Variants in CCNF observed in about 807,000 individuals in gnomAD.
CCNF encodes cyclin-F.
Under a neutral mutation model 85.4 loss-of-function variants are expected in CCNF, and 30 were observed. That is an observed-to-expected ratio of 0.35 (90% CI 0.26 to 0.48). CCNF has a LOEUF of 0.48. Ranked by LOEUF, CCNF falls within the 20% of genes least tolerant of loss-of-function variation. The pLI is 0.99. For synonymous variants in CCNF, 439 were observed against 425.1 expected (o/e 1.03, Z -0.40); for missense variants, 919 against 1,010.4 (o/e 0.91, Z 1.23).
rs550100805 is a variant in CCNF at position 2,434,352 on chromosome 16, C to T, written c.278+1285C>T. Among the ~76,000 whole-genome samples, 302 of 152,190 alleles carry T rather than the reference C, an allele frequency of 2.0e-3. 2 individuals are homozygous for T. The highest frequency in any genetic ancestry group is 6.9e-3 in the African/African-American group (288 of 41,526). On this transcript the variant is annotated intron_variant, in intron 3 of 16. Transcript: ENST00000397066. ...AAATATGGCTGGGCACAGTGGCTCA[C>T]GCCTGTAATCCCAGCACTTTGGGAG...
chr16:2,432,312 A>G (rs965350962), intron 2 of CCNF, among the ~76,000 whole-genome samples: 5 of 152,196 alleles, frequency 3.3e-5, no homozygotes, highest in African/African-American at 1.2e-4. Context: ...CCTAGAGTAT[A>G]TAGTGGATTC....
chr16:2,455,716 G>A (rs2065423666), intron 16 of CCNF, 152 bp downstream of exon 16: 3 of 1,331,432 alleles, frequency 2.3e-6, no homozygotes, highest in East Asian at 2.7e-5. Flanking sequence ...GCCGGGGAGT[G>A]TGTCCAGACA....
At chr16:2,431,585 C>CG (rs1167654369) in intron 2 of CCNF, among the ~76,000 whole-genome samples, 1 of 145,536 alleles carries the variant, frequency 6.9e-6, no homozygotes, top group Non-Finnish European at 1.5e-5. Flanking sequence ...GAGGCTGAGG[C>CG]GGGAAAATTG....
At chr16:2,446,984 A>G (rs1267181963) in intron 10 of CCNF, among the ~76,000 whole-genome samples, 1 of 152,190 alleles carries the variant, frequency 6.6e-6, no homozygotes, top group Non-Finnish European at 1.5e-5. Flanking sequence ...ACCCTGCCAC[A>G]AGCATCCAGA....
chr16:2,436,057 C>T (rs1490914331), intron 4 of CCNF, 184 bp downstream of exon 4: 2 of 488,762 alleles, frequency 4.1e-6, no homozygotes, highest in African/African-American at 3.9e-5. Context: ...GCTAATGATA[C>T]TCTGACTTTG....
intron 8 of CCNF, among the ~76,000 whole-genome samples, chr16:2,441,604 G>A (rs1374423337): frequency 6.6e-6 from 1 of 151,950 alleles, no homozygotes; most frequent in Non-Finnish European, 1.5e-5. Context: ...TGCGATCTCA[G>A]CTCACTGCAA....
At chr16:2,433,479 T>C (rs1005034463) in intron 3 of CCNF, among the ~76,000 whole-genome samples, 5 of 152,250 alleles carry the variant, frequency 3.3e-5, no homozygotes, top group African/African-American at 1.2e-4. Context: ...CTGGCCCCTG[T>C]TCACATGTGC....
At chr16:2,443,547 T>C in intron 8 of CCNF, 102 bp from the exon 9 acceptor site, 2 of 1,095,336 alleles carry the variant, frequency 1.8e-6, no homozygotes, top group African/African-American at 1.5e-5. Flanking sequence ...AGTAGGGCAG[T>C]GTGTCCACAT....
Position 2,457,386 on chromosome 16 carries a change from G to T in CCNF, c.*366G>T. 5.4e-6 allele frequency: 1 copy of T among 185,164 alleles called. No individual in the cohort carries two copies. Among genetic ancestry groups the T allele is most frequent in the Non-Finnish European group, 1.1e-5 (1 of 88,454 alleles). The allele number at this position is 185,164 out of a possible 1,614,324, so 11.5% of individuals were successfully genotyped here. On this transcript the variant is annotated 3_prime_UTR_variant, in exon 17 of 17. Transcript: ENST00000397066. ...CGTGCCGGGAGCTGACAGCTTTCACGCTTAAGGCACGTGTGACCTGGGTAG... is the reference window on the plus strand; with the variant it reads ...CGTGCCGGGAGCTGACAGCTTTCACTCTTAAGGCACGTGTGACCTGGGTAG...
At position 2,445,616 on chromosome 16, in the gene CCNF, G is replaced by C; in HGVS notation, c.1088G>C (p.Cys363Ser). The change falls in exon 10 of 17, where the codon TGC becomes TCC. Residue 363 changes from cysteine (C) to serine (S), a missense_variant. By Grantham distance (112) the Cys-to-Ser change is moderately radical. Coordinates refer to ENST00000397066, the MANE Select transcript of CCNF (RefSeq NM_001761.3). ...QLLGIACMVI[C>S]TRFISKEILT... is the part of the protein sequence containing the mutation. ...CTGGGCATCGCCTGCATGGTCATCT[G>C]CACCCGGTGAGAAGCCCCCTTGGCC... The C allele has an allele frequency of 6.2e-7, 1 of 1,611,650 alleles. No homozygotes were observed.
chr16:2,437,338 G>A lies in CCNF; in HGVS notation c.540+16G>A, dbSNP rs1004242459. Reference sequence around the variant, plus strand: ...GCTGCAGAGGGTGAGTCTGGGCGAGGGGCAGCACCTGCGAGGCCACCTGCA... The same window carrying A: ...GCTGCAGAGGGTGAGTCTGGGCGAGAGGCAGCACCTGCGAGGCCACCTGCA... On this transcript the variant is annotated intron_variant, in intron 5 of 16. Transcript: ENST00000397066. 1.2e-5 allele frequency: 18 copies of A among 1,560,896 alleles called. No homozygotes were observed. The highest frequency in any genetic ancestry group is 1.5e-5 in the Non-Finnish European group (17 of 1,152,632).
At position 2,455,481 on chromosome 16, in the gene CCNF, T is replaced by G; in HGVS notation, c.1802T>G (p.Leu601Arg). Residue 601 changes from leucine to arginine, a missense_variant, in exon 16 of 17, where the codon CTG (leucine) becomes CGG (arginine). Transcript: ENST00000397066. ...CTGTCCAGCCAGGAGGAGACGCTGC[T>G]GGGCAGCTTCCTCGACTGGAGCCTG... The part of the protein sequence containing the change: ...AELSSQEETL[L>R]GSFLDWSLDC... 6.2e-7 allele frequency: 1 copy of G among 1,606,464 alleles called. No individual in the cohort carries two copies. The highest frequency in any genetic ancestry group is 1.1e-5 in the South Asian group (1 of 90,774).
chr16:2,448,760 C>A, intron 10 of CCNF, 95 bp from the exon 11 acceptor site: 1 of 1,127,944 alleles, frequency 8.9e-7, no homozygotes, highest in Non-Finnish European at 1.3e-6. Context: ...ATGGCTCCCT[C>A]CCTACCTTGA....
At chr16:2,432,698 C>A (rs2065268843) in intron 2 of CCNF, among the ~76,000 whole-genome samples, 1 of 152,226 alleles carries the variant, frequency 6.6e-6, no homozygotes. Context: ...GTTGAACCCT[C>A]TTTCTCAGCC....
In CCNF at chr16:2,437,049, T is replaced by A. The variant is rs536915893; in HGVS notation, c.347-80T>A. On this transcript the variant is annotated intron_variant, in intron 4 of 16. Coordinates refer to ENST00000397066, the MANE Select transcript of CCNF (RefSeq NM_001761.3). Reference sequence around the variant, plus strand: ...CTATGGTGGGCTTCAGGCATTACACTTTCCACCAAGACCATGGAGAGCTTT... The same window carrying A: ...CTATGGTGGGCTTCAGGCATTACACATTCCACCAAGACCATGGAGAGCTTT... 4.0e-5 allele frequency: 51 copies of A among 1,279,724 alleles called. No individual in the cohort carries two copies. In the South Asian group the frequency reaches 8.2e-4, roughly 20 times the overall value. 79.3% of individuals were successfully genotyped at this position (1,279,724 alleles called of 1,614,324 possible). A position where few individuals can be genotyped will look rare whatever the true frequency, so the allele number is the denominator to read the frequency against.
At chr16:2,449,086 G>A in intron 11 of CCNF, 108 bp downstream of exon 11, 1 of 1,506,530 alleles carries the variant, frequency 6.6e-7, no homozygotes, top group African/African-American at 1.4e-5. Context: ...GACTCAGAGA[G>A]CAGCTGTCTC....
chr16:2,432,926 T>C, intron 2 of CCNF, 35 bp from the exon 3 acceptor site: 1 of 1,361,868 alleles, frequency 7.3e-7, no homozygotes, highest in Non-Finnish European at 1.0e-6. Context: ...GGGTGGTGCC[T>C]CCATCACCCA....
At chr16:2,436,484 C>G (rs1011995114) in intron 4 of CCNF, 9 of 152,268 alleles carry the variant, frequency 5.9e-5, no homozygotes, top group African/African-American at 1.7e-4. Context: ...ATGTAGCCTC[C>G]CACATTTGTA....
intron 12 of CCNF, 26 bp downstream of exon 12, chr16:2,449,488 G>A (rs765205100): frequency 6.3e-6 from 10 of 1,586,258 alleles, no homozygotes; most frequent in African/African-American, 1.3e-5. Flanking sequence ...TCCCAGGGAT[G>A]CCTGTGTCGG....
Sources: allele counts gnomAD v4.1 joint callset (sites outside exome capture counted in the v4.1 genomes callset), GRCh38; gene constraint gnomAD v4.1.1; transcripts MANE v1.5; gene names NCBI Gene and HGNC (gene_info 2026-07-23, HGNC 2026-07-21).